The following COPS4 variants were observed in gnomAD, a reference collection of about 807,000 sequenced individuals.
The protein encoded by COPS4 is COP9 signalosome complex subunit 4.
A neutral mutation model predicts 55.1 loss-of-function variants in COPS4; 8 were observed. The ratio of observed to expected loss-of-function variants is 0.15; its 90% CI spans 0.09 to 0.26. The LOEUF (loss-of-function observed/expected upper bound fraction) is 0.26, where lower values mean the gene tolerates loss of function less well. Ranked by LOEUF, COPS4 falls within the 10% of genes least tolerant of loss-of-function variation. The pLI, the probability that COPS4 is intolerant of heterozygous loss-of-function variation, is 1.00. For synonymous variants in COPS4, 185 were observed against 165.7 expected (o/e 1.12, Z -0.90); for missense variants, 248 against 484.0 (o/e 0.51, Z 4.58).
At chr4:83,065,596 C>G (rs1249877575) in intron 7 of COPS4, among the ~76,000 whole-genome samples, 1 of 152,152 alleles carries the variant, frequency 6.6e-6, no homozygotes, top group Non-Finnish European at 1.5e-5. Flanking sequence ...ATTGGGTGAG[C>G]CCAGTGGTCT....
Position 83,065,088 on chromosome 4 carries a change from T to C in COPS4, c.887-1350T>C, listed in dbSNP as rs556546158. The C allele has an allele frequency of 1.2e-4, 85 of 686,564 alleles. 2 individuals carry two copies. The East Asian group carries it at 2.3e-3, about 18-fold the overall frequency. The allele number at this position is 686,564 out of a possible 1,614,324, so 42.5% of individuals were successfully genotyped here. A position where few individuals can be genotyped will look rare whatever the true frequency, so the allele number is the denominator to read the frequency against. On this transcript the variant is annotated intron_variant, in intron 7 of 9. Coordinates refer to ENST00000264389, the MANE Select transcript of COPS4 (RefSeq NM_016129.3). ...CAGGATCTCTCCATTTTGCCCAGGCTGGTCTTGAACTCCTGGGCTCAAGCA... is the reference window on the plus strand; with the variant it reads ...CAGGATCTCTCCATTTTGCCCAGGCCGGTCTTGAACTCCTGGGCTCAAGCA...
chr4:83,036,885 A>T (rs1437596486), intron 1 of COPS4, among the ~76,000 whole-genome samples: 1 of 152,220 alleles, frequency 6.6e-6, no homozygotes, highest in Non-Finnish European at 1.5e-5. Context: ...CTTTGCAAGT[A>T]TTTGCAGAAT....
In COPS4 at chr4:83,045,630, C is replaced by T. The variant is rs757691653; in HGVS notation, c.79C>T (p.Arg27Cys). 1.6e-5 allele frequency: 26 copies of T among 1,610,666 alleles called. No individual in the cohort carries two copies. The highest frequency in any genetic ancestry group is 2.2e-5 in the Non-Finnish European group (26 of 1,177,210). Reference protein sequence around the residue: ...GSHKDLAGKYRQILEKAIQLS... With the variant: ...GSHKDLAGKYCQILEKAIQLS... ...TTTCATTTGGTATTGTTGTAGGTAT[C>T]GTCAGATCCTGGAAAAAGCCATTCA... Residue 27 changes from arginine (R) to cysteine (C), a missense_variant, in exon 2 of 10, where the codon CGT (arginine) becomes TGT (cysteine). Around this residue, in one of 4 missense-constraint regions of COPS4, gnomAD observed 55 missense variants for 62.8 expected, o/e 0.88. Transcript: ENST00000264389.
At chr4:83,049,132 A>G (rs375483512) in intron 2 of COPS4, 34 bp from the exon 3 acceptor site, 6 of 1,564,234 alleles carry the variant, frequency 3.8e-6, no homozygotes, top group Non-Finnish European at 5.2e-6. Context: ...TTATCAGCTC[A>G]TGTTTTCTTA....
At chr4:83,060,688 G>A (rs11732419) in intron 6 of COPS4, among the ~76,000 whole-genome samples, 65,956 of 151,356 alleles carry the variant, frequency 0.44, 14,908 homozygotes, top group East Asian at 0.75. Flanking sequence ...TCCATGACAC[G>A]AAAAATTCTG....
At chr4:83,069,213 C>T (rs776310464) in intron 9 of COPS4, among the ~76,000 whole-genome samples, 4 of 152,132 alleles carry the variant, frequency 2.6e-5, no homozygotes, top group Admixed American at 6.5e-5. Flanking sequence ...TAATACCTTC[C>T]CAGCTCCTTA....
chr4:83,062,529 C>CT (rs1731184380), intron 6 of COPS4, among the ~76,000 whole-genome samples: 1 of 151,642 alleles, frequency 6.6e-6, no homozygotes, highest in Admixed American at 6.6e-5. Flanking sequence ...AGATTCCCTG[C>CT]TTGTTTTTTT....
chr4:83,069,180 G>T (rs1731359753), intron 9 of COPS4, among the ~76,000 whole-genome samples: 1 of 152,048 alleles, frequency 6.6e-6, no homozygotes, highest in Admixed American at 6.5e-5. Flanking sequence ...CAGGTAAGTG[G>T]ATCCCTTGAC....
intron 6 of COPS4, among the ~76,000 whole-genome samples, chr4:83,059,773 T>G (rs932758013): frequency 1.3e-5 from 2 of 151,904 alleles, no homozygotes; most frequent in African/African-American, 4.8e-5. Flanking sequence ...CTCGGCTCAC[T>G]GCAAGCTCAG....
At chr4:83,074,682 T>G (rs1037319513) in intron 9 of COPS4, among the ~76,000 whole-genome samples, 2 of 151,694 alleles carry the variant, frequency 1.3e-5, no homozygotes, top group Admixed American at 6.6e-5. Context: ...ATCTTTGTAT[T>G]TTTAGTAGAG....
chr4:83,075,288 TCCCC>T lies in COPS4; in HGVS notation c.1088-8_1088-5del. 6.2e-7 allele frequency: 1 copy of T among 1,610,404 alleles called. No homozygotes were observed. The highest frequency in any genetic ancestry group is 1.7e-5 in the Admixed American group (1 of 58,986). ...TAATTTTAATTTTGTACATTTTTTT[TCCCC>T]TTAGCACGAGAAGCCCTGCCAACGT... On this transcript the variant is annotated splice_polypyrimidine_tract_variant and splice_region_variant and intron_variant, in intron 9 of 9. Coordinates refer to ENST00000264389, the MANE Select transcript of COPS4 (RefSeq NM_016129.3).
chr4:83,043,038 C>T (rs1730608258), intron 1 of COPS4, among the ~76,000 whole-genome samples: 1 of 151,986 alleles, frequency 6.6e-6, no homozygotes, highest in African/African-American at 2.4e-5. Flanking sequence ...GCATGAGCCA[C>T]TGCGACTGGC....
rs945621781 is a variant in COPS4, at chr4:83,063,085, G to A, written c.725G>A (p.Arg242His). ...CATTTATTTCTCTTAGGGCAGCAGC[G>A]TTCTCGGATGCTAGCTACTCTTTTT... ...CTILASAGQQ[R>H]SRMLATLFKD... Residue 242 changes from arginine (R) to histidine (H), a missense_variant, in exon 7 of 10, where the codon CGT (arginine) becomes CAT (histidine). Physicochemically the swap from Arg to His is conservative, Grantham distance 29. Transcript: ENST00000264389. The A allele has an allele frequency of 1.3e-6, 2 of 1,554,300 alleles. No individual in the cohort carries two copies. The highest frequency in any genetic ancestry group is 4.9e-5 in the East Asian group (2 of 40,590).
rs1730488217 is a variant in COPS4, at chr4:83,038,774, TG to T, written c.74+3479del. On this transcript the variant is annotated intron_variant, in intron 1 of 9. Transcript: ENST00000264389. ...CTTCTGCCTCAGCCTCCCAAGTAGC[TG>T]GGACTACAGGTGCATGCCACCACAC... Among the ~76,000 whole-genome samples, 3 of 152,300 alleles carry T rather than the reference TG, an allele frequency of 2.0e-5. No individual in the cohort carries two copies. In the South Asian group the frequency reaches 6.2e-4, roughly 32 times the overall value.
chr4:83,071,860 C>T (rs570778920), intron 9 of COPS4, among the ~76,000 whole-genome samples: 8 of 151,812 alleles, frequency 5.3e-5, no homozygotes, highest in Admixed American at 1.3e-4. Flanking sequence ...TACAGGCACA[C>T]GCCACCATAC....
chr4:83,041,868 CTT>C (rs142078613), intron 1 of COPS4, among the ~76,000 whole-genome samples: 9 of 143,904 alleles, frequency 6.3e-5, no homozygotes, highest in Admixed American at 7.0e-5. Context: ...TAATTTAATA[CTT>C]TTTTTTTTTT....
At chr4:83,063,547 A>G (rs540699587) in intron 7 of COPS4, among the ~76,000 whole-genome samples, 5 of 151,318 alleles carry the variant, frequency 3.3e-5, no homozygotes, top group Non-Finnish European at 7.4e-5. Flanking sequence ...AGCTGGGACT[A>G]CAGGCGCCCG....
At chr4:83,057,919 CAA>C (rs960818183) in intron 6 of COPS4, among the ~76,000 whole-genome samples, 4 of 54,260 alleles carry the variant, frequency 7.4e-5, no homozygotes, top group African/African-American at 2.0e-4. Flanking sequence ...GACTCTGTCT[CAA>C]AAAAAAAAAA....
chr4:83,064,985 A>T, intron 7 of COPS4: 2 of 478,920 alleles, frequency 4.2e-6, no homozygotes, highest in Non-Finnish European at 7.6e-6. Context: ...CCTCTTGGGG[A>T]TCCTTCTACC....
Sources: gnomAD v4.1 joint callset for allele counts (sites outside exome capture counted in the v4.1 genomes callset) on GRCh38, gnomAD v4.1.1 for gene constraint, gnomAD v4.1.1 regional missense constraint, MANE v1.5 for transcripts, NCBI Gene and HGNC (gene_info 2026-07-23, HGNC 2026-07-21) for gene names.